BCL2L13: variants seen among roughly 807,000 people sequenced by gnomAD.
The protein encoded by BCL2L13 is bcl-2-like protein 13.
BCL2L13 carries 13 observed loss-of-function variants against 25.8 expected under a neutral mutation model. That is an observed-to-expected ratio of 0.50 (90% CI 0.33 to 0.80). The LOEUF is 0.80. Among genes scored for constraint, BCL2L13 ranks in the 30% least tolerant of loss-of-function variants. The pLI, the probability that BCL2L13 is intolerant of heterozygous loss-of-function variation, is 0.02. For missense variants in BCL2L13, 504 were observed against 574.9 expected (o/e 0.88, Z 1.26); for synonymous variants, 244 against 230.3 (o/e 1.06, Z -0.54).
intron 1 of BCL2L13, among the ~76,000 whole-genome samples, chr22:17,639,353 T>G (rs992571841): frequency 3.3e-5 from 5 of 152,250 alleles, no homozygotes; most frequent in African/African-American, 1.2e-4. Flanking sequence ...AAGTCTTGTT[T>G]CTTAACCTTA....
chr22:17,654,414 C>G (rs1245306257), intron 1 of BCL2L13, among the ~76,000 whole-genome samples: 1 of 149,290 alleles, frequency 6.7e-6, no homozygotes, highest in African/African-American at 2.5e-5. Flanking sequence ...TTTGTCTTCT[C>G]TCTTTTTTTT....
intron 1 of BCL2L13, among the ~76,000 whole-genome samples, chr22:17,630,870 C>A (rs559398683): frequency 6.6e-6 from 1 of 151,746 alleles, no homozygotes; most frequent in Non-Finnish European, 1.5e-5. Context: ...GGATTACAGA[C>A]GTGAGCCACC....
intron 2 of BCL2L13, among the ~76,000 whole-genome samples, chr22:17,658,886 A>G (rs1356439007): frequency 1.4e-5 from 2 of 147,512 alleles, no homozygotes; most frequent in East Asian, 4.2e-4. Context: ...GTGAAACCCC[A>G]TCTCTACTAA....
intron 3 of BCL2L13, among the ~76,000 whole-genome samples, chr22:17,685,260 C>G (rs1245207934): frequency 6.6e-6 from 1 of 151,834 alleles, no homozygotes; most frequent in Non-Finnish European, 1.5e-5. Context: ...TCGCCTTGCT[C>G]TGTTGCACAG....
intron 4 of BCL2L13, among the ~76,000 whole-genome samples, chr22:17,691,666 C>A (rs1289844611): frequency 1.3e-5 from 2 of 151,806 alleles, no homozygotes; most frequent in African/African-American, 2.4e-5. Context: ...AAAAAAGAAT[C>A]TTTTTCCAAA....
chr22:17,698,658 G>T (rs1176240667), intron 5 of BCL2L13, among the ~76,000 whole-genome samples: 1 of 151,822 alleles, frequency 6.6e-6, no homozygotes, highest in Non-Finnish European at 1.5e-5. Flanking sequence ...GAGCCTGGGA[G>T]GTGGAGGTTG....
intron 6 of BCL2L13, among the ~76,000 whole-genome samples, chr22:17,724,975 A>C (rs531807532): frequency 1.3e-5 from 2 of 152,318 alleles, no homozygotes; most frequent in Middle Eastern, 3.4e-3. Flanking sequence ...TAAATTCTGT[A>C]AGAATAGACC....
chr22:17,720,144 G>A (rs2061072792), intron 6 of BCL2L13, among the ~76,000 whole-genome samples: 1 of 64,706 alleles, frequency 1.5e-5, no homozygotes, highest in Non-Finnish European at 3.2e-5. Flanking sequence ...CCTAGAAATG[G>A]TGGGTTTCAT....
intron 2 of BCL2L13, among the ~76,000 whole-genome samples, chr22:17,666,743 A>G (rs1373459064): frequency 2.1e-5 from 3 of 142,792 alleles, no homozygotes; most frequent in Non-Finnish European, 4.5e-5. Flanking sequence ...GTGCAGTGGC[A>G]TGACCTCAGC....
intron 2 of BCL2L13, among the ~76,000 whole-genome samples, chr22:17,669,082 G>C (rs1027787149): frequency 2.2e-5 from 3 of 135,290 alleles, no homozygotes; most frequent in African/African-American, 8.3e-5. Flanking sequence ...GCCCAGGCTG[G>C]AGTGCAGTGG....
At position 17,727,412 on chromosome 22, in the gene BCL2L13, G is replaced by A. The variant is rs377746710; in HGVS notation, c.1336G>A (p.Ala446Thr). The change falls in exon 7 of 7, where the codon GCC becomes ACC. Residue 446 changes from alanine to threonine, a missense_variant. Ala to Thr is a moderately conservative substitution (Grantham distance 58). Transcript: ENST00000317582. The stretch of plus-strand genomic sequence containing the variant: ...TGAGGGCAAGTCTAGACTGTCCCCC[G>A]CCGGTGAGATGAAGCCCATGCCGCT... ...PSEGKSRLSP[A>T]GEMKPMPLSE... is the part of the protein sequence containing the mutation. The A allele has an allele frequency of 9.3e-6, 15 of 1,614,108 alleles. No homozygotes were observed. The highest frequency in any genetic ancestry group is 3.3e-4 in the Middle Eastern group (2 of 6,084).
At chr22:17,670,023 A>T (rs1008455447) in intron 2 of BCL2L13, among the ~76,000 whole-genome samples, 1 of 152,170 alleles carries the variant, frequency 6.6e-6, no homozygotes, top group African/African-American at 2.4e-5. Context: ...TTGAAAAGTT[A>T]TTCTTTCTCC....
At chr22:17,678,289 G>T (rs1289956896) in intron 2 of BCL2L13, among the ~76,000 whole-genome samples, 1 of 152,070 alleles carries the variant, frequency 6.6e-6, no homozygotes, top group African/African-American at 2.4e-5. Flanking sequence ...CTCCCAAAGT[G>T]CTGAGATTAC....
At chr22:17,670,373 C>CTT (rs370701152) in intron 2 of BCL2L13, among the ~76,000 whole-genome samples, 59,932 of 128,618 alleles carry the variant, frequency 0.47, 14,580 homozygotes, top group East Asian at 0.77. Context: ...CTCAAATCAG[C>CTT]TTTTTTTTTT....
chr22:17,667,014 A>C (rs2059253740), intron 2 of BCL2L13, among the ~76,000 whole-genome samples: 1 of 152,054 alleles, frequency 6.6e-6, no homozygotes, highest in South Asian at 2.1e-4. Context: ...TATATGTACC[A>C]CATTTTCTTT....
chr22:17,637,671 C>T (rs1191614957), upstream of BCL2L13, among the ~76,000 whole-genome samples: 1 of 152,020 alleles, frequency 6.6e-6, no homozygotes, highest in Non-Finnish European at 1.5e-5. Context: ...ATCCACCACA[C>T]CCGGCCTGTA....
intron 5 of BCL2L13, among the ~76,000 whole-genome samples, chr22:17,697,214 G>A (rs1170550815): frequency 2.6e-5 from 4 of 152,000 alleles, no homozygotes; most frequent in Non-Finnish European, 4.4e-5. Flanking sequence ...CGAGGTGGGC[G>A]GATCACCTGA....
At position 17,729,010 on chromosome 22, in the gene BCL2L13, C is replaced by T. The variant is rs543837687; in HGVS notation, c.*1476C>T. On this transcript the variant is annotated 3_prime_UTR_variant, in exon 7 of 7. Coordinates refer to ENST00000317582, the MANE Select transcript of BCL2L13 (RefSeq NM_015367.4). ...GTCTTTCCATGCCCGAGGGCCACGA[C>T]GTCACTATGCAGGGCACACGTGGCT... is the stretch of plus-strand genomic sequence containing the variant. The T allele has an allele frequency of 3.9e-5, 6 of 152,240 alleles. 1 individual carries two copies. Among genetic ancestry groups the T allele is most frequent in the South Asian group, 4.1e-4 (2 of 4,822 alleles). 9.4% of individuals were successfully genotyped at this position (152,240 alleles called of 1,614,324 possible).
At chr22:17,718,878 G>A (rs900596997) in intron 6 of BCL2L13, among the ~76,000 whole-genome samples, 40 of 152,146 alleles carry the variant, frequency 2.6e-4, no homozygotes, top group African/African-American at 9.4e-4. Flanking sequence ...TAAAAACGCG[G>A]TCAGGTGTGG....
Sources: allele counts gnomAD v4.1 joint callset (sites outside exome capture counted in the v4.1 genomes callset), GRCh38; gene constraint gnomAD v4.1.1; transcripts MANE v1.5; gene names NCBI Gene and HGNC (gene_info 2026-07-23, HGNC 2026-07-21).